The following SESN1 variants were observed in gnomAD, a reference collection of about 807,000 sequenced individuals.
SESN1 encodes sestrin 1, also known as sestrin-1.
SESN1 carries 30 observed loss-of-function variants against 59.3 expected under a neutral mutation model. The ratio of observed to expected loss-of-function variants is 0.51; its 90% CI spans 0.38 to 0.69. The LOEUF is 0.69. Ranked by LOEUF, SESN1 falls within the 30% of genes least tolerant of loss-of-function variation. The probability of loss-of-function intolerance (pLI) is 0.00; values close to 1 mark genes in which losing one functional copy is unlikely to be tolerated. For missense variants in SESN1, 566 were observed against 673.0 expected (o/e 0.84, Z 1.76); for synonymous variants, 197 against 219.9 (o/e 0.90, Z 0.92).
chr6:109,093,979 A>G lies in SESN1; in HGVS notation c.95T>C (p.Ile32Thr), dbSNP rs781346343. 1.2e-6 allele frequency: 2 copies of G among 1,614,186 alleles called. No homozygotes were observed. The highest frequency in any genetic ancestry group is 4.5e-5 in the East Asian group (2 of 44,888). The change falls in exon 1 of 10, where the codon ATT becomes ACT. Residue 32 changes from isoleucine (I) to threonine (T), a missense_variant. By Grantham distance (89) the Ile-to-Thr change is moderately conservative. Transcript: ENST00000436639. ...ETALENIRQT[I>T]LRKTEYLRSV... ...ACGAAGATACTCGGTTTTCCTCAAAATGGTTTGCCTAATGTTTTCCAATGC... is the reference window on the plus strand; with the variant it reads ...ACGAAGATACTCGGTTTTCCTCAAAGTGGTTTGCCTAATGTTTTCCAATGC...
At position 109,069,021 on chromosome 6, in the gene SESN1, C is replaced by T. The variant is rs115384299; in HGVS notation, c.279+24774G>A. Among the ~76,000 whole-genome samples, 477 of 152,056 alleles carry T rather than the reference C, an allele frequency of 3.1e-3. 2 individuals carry two copies. The highest frequency in any genetic ancestry group is 0.011 in the African/African-American group (454 of 41,478). ...ACAGGTGTGAGCCACCGCGCCCAGC[C>T]GAAATTTCAAACTCTAAAGATAAAT... On this transcript the variant is annotated intron_variant, in intron 1 of 9. Transcript: ENST00000436639.
At chr6:109,086,526 A>G (rs997670143) in intron 1 of SESN1, among the ~76,000 whole-genome samples, 18 of 152,226 alleles carry the variant, frequency 1.2e-4, no homozygotes, top group African/African-American at 3.9e-4. Context: ...ATATAACTCT[A>G]AACAAAGACA....
At chr6:109,027,976 T>C (rs1780122255) in intron 1 of SESN1, among the ~76,000 whole-genome samples, 1 of 152,220 alleles carries the variant, frequency 6.6e-6, no homozygotes, top group Admixed American at 6.5e-5. Flanking sequence ...TACTTTGATA[T>C]ATGTGTTATA....
At chr6:109,051,444 T>G (rs1191650458) in intron 1 of SESN1, among the ~76,000 whole-genome samples, 1 of 152,204 alleles carries the variant, frequency 6.6e-6, no homozygotes, top group Non-Finnish European at 1.5e-5. Context: ...ACTATATGAA[T>G]GGACTCTTTG....
intron 2 of SESN1, among the ~76,000 whole-genome samples, chr6:109,002,023 A>C (rs1779635877): frequency 6.6e-6 from 1 of 152,236 alleles, no homozygotes. Flanking sequence ...CAGATGTTGT[A>C]TCACTGGTCA....
intron 1 of SESN1, among the ~76,000 whole-genome samples, chr6:109,014,978 G>T (rs1177217040): frequency 6.6e-6 from 1 of 152,042 alleles, no homozygotes; most frequent in Non-Finnish European, 1.5e-5. Context: ...TGTATTTTTG[G>T]TTTACTGCTA....
intron 7 of SESN1, among the ~76,000 whole-genome samples, chr6:108,992,525 C>T (rs10872028): frequency 0.19 from 29,479 of 152,040 alleles, 3,525 homozygotes; most frequent in African/African-American, 0.33. Flanking sequence ...TTTGGGAACG[C>T]TGGGAGTATC....
intron 1 of SESN1, among the ~76,000 whole-genome samples, chr6:109,010,391 A>T (rs1361480437): frequency 1.3e-5 from 2 of 152,206 alleles, no homozygotes; most frequent in Non-Finnish European, 2.9e-5. Context: ...CCTAAATTAG[A>T]TCTCTTTTTG....
chr6:109,009,544 A>G, intron 1 of SESN1: 1 of 1,063,808 alleles, frequency 9.4e-7, no homozygotes, highest in Non-Finnish European at 1.1e-6. Flanking sequence ...CGCCTCAGTC[A>G]GCACGGACGG....
intron 1 of SESN1, among the ~76,000 whole-genome samples, chr6:109,050,713 C>T (rs1321135689): frequency 6.6e-6 from 1 of 152,166 alleles, no homozygotes; most frequent in Admixed American, 6.5e-5. Flanking sequence ...AGCTGATTTC[C>T]AGTCTGACCA....
At chr6:109,014,835 C>T (rs1391986296) in intron 1 of SESN1, among the ~76,000 whole-genome samples, 3 of 152,080 alleles carry the variant, frequency 2.0e-5, no homozygotes, top group Non-Finnish European at 2.9e-5. Flanking sequence ...CCCCGTTTCT[C>T]AAAAAGTGGT....
chr6:108,990,852 G>T lies in SESN1; in HGVS notation c.1234-17C>A. 1 of 1,599,342 alleles carries T rather than the reference G, an allele frequency of 6.3e-7. No individual in the cohort carries two copies. The highest frequency in any genetic ancestry group is 1.1e-5 in the South Asian group (1 of 90,696). On this transcript the variant is annotated splice_polypyrimidine_tract_variant and intron_variant, in intron 7 of 9. Coordinates refer to ENST00000436639, the MANE Select transcript of SESN1 (RefSeq NM_014454.3). ...GCAATAGTCCTAAATACAGGGAATA[G>T]AACAAATGTGAATAAATGTGGTCAA...
At position 109,028,133 on chromosome 6, in the gene SESN1, C is replaced by T. The variant is rs146243774; in HGVS notation, c.280-25790G>A. 3.7e-4 allele frequency among the ~76,000 whole-genome samples: 55 copies of T among 150,652 alleles called. 1 individual carries two copies. In the East Asian group the frequency reaches 0.011, roughly 29 times the overall value. On this transcript the variant is annotated intron_variant, in intron 1 of 9. Coordinates refer to ENST00000436639, the MANE Select transcript of SESN1 (RefSeq NM_014454.3). ...CTAGATAAGAAACCTTTGCCTACCC[C>T]CAGGTTGTAAACTTTTTTTCCCCAT...
At chr6:109,084,743 G>C (rs983997261) in intron 1 of SESN1, among the ~76,000 whole-genome samples, 3 of 151,902 alleles carry the variant, frequency 2.0e-5, no homozygotes, top group Non-Finnish European at 4.4e-5. Context: ...GTTTTTCCAA[G>C]GTAATTCCCT....
At chr6:109,074,770 G>C (rs1429640634) in intron 1 of SESN1, among the ~76,000 whole-genome samples, 1 of 152,218 alleles carries the variant, frequency 6.6e-6, no homozygotes, top group Non-Finnish European at 1.5e-5. Flanking sequence ...CATAGACACA[G>C]AAGAGATTTG....
intron 1 of SESN1, among the ~76,000 whole-genome samples, chr6:109,050,814 C>G (rs1443339764): frequency 3.9e-5 from 6 of 152,226 alleles, no homozygotes; most frequent in African/African-American, 7.2e-5. Context: ...TCATCCACCA[C>G]TAGCATCCCT....
At chr6:109,085,047 A>C (rs1391857602) in intron 1 of SESN1, among the ~76,000 whole-genome samples, 1 of 147,266 alleles carries the variant, frequency 6.8e-6, no homozygotes, top group Non-Finnish European at 1.5e-5. Context: ...AGCATCTTTT[A>C]AAGTTTTTTT....
intron 1 of SESN1, among the ~76,000 whole-genome samples, chr6:109,029,316 C>T (rs187225928): frequency 1.9e-3 from 285 of 152,218 alleles, no homozygotes; most frequent in African/African-American, 6.5e-3. Context: ...AGTAATTGAA[C>T]CAAAAAGTTG....
At chr6:109,019,225 C>G (rs1355246359) in intron 1 of SESN1, among the ~76,000 whole-genome samples, 1 of 152,014 alleles carries the variant, frequency 6.6e-6, no homozygotes, top group African/African-American at 2.4e-5. Context: ...AGACACACAC[C>G]CCTCATGATC....
Sources: gnomAD v4.1 joint callset for allele counts (sites outside exome capture counted in the v4.1 genomes callset) on GRCh38, gnomAD v4.1.1 for gene constraint, MANE v1.5 for transcripts, NCBI Gene and HGNC (gene_info 2026-07-23, HGNC 2026-07-21) for gene names.